The following PTPRQ variants were observed in gnomAD, a reference collection of about 807,000 sequenced individuals.
PTPRQ encodes the protein protein tyrosine phosphatase receptor type Q, also known as phosphatidylinositol phosphatase PTPRQ.
A neutral mutation model predicts 246.0 loss-of-function variants in PTPRQ; 199 were observed. That is an observed-to-expected ratio of 0.81 (90% CI 0.72 to 0.91). PTPRQ has a LOEUF of 0.91. Ranked by LOEUF, PTPRQ falls within the 40% of genes least tolerant of loss-of-function variation. PTPRQ has a pLI of 0.00. For missense variants in PTPRQ, 2,624 were observed against 2,528.4 expected, an observed-to-expected ratio of 1.04 and a Z score of -0.81; for synonymous variants, 869 against 853.2, an observed-to-expected ratio of 1.02 and a Z score of -0.32.
At chr12:80,454,111 T>G in intron 3 of PTPRQ, among the ~76,000 whole-genome samples, 1 of 123,298 alleles carries the variant, frequency 8.1e-6, no homozygotes, top group Non-Finnish European at 1.6e-5. Context: ...CACCTTGCAG[T>G]TTGATCTCAG....
rs775417036 is a variant in PTPRQ, at chr12:80,673,362, C to A, written c.6738+58C>A. On this transcript the variant is annotated intron_variant, in intron 43 of 44. Coordinates refer to ENST00000644991, the MANE Select transcript of PTPRQ (RefSeq NM_001145026.2). ...GTTCTAGAATTTCCACATGGGAGAT[C>A]TTAGTGGCAGCAATCTGGATGGACA... The A allele has an allele frequency of 1.3e-5, 20 of 1,513,864 alleles. No homozygotes were observed. In the Admixed American group the frequency reaches 2.2e-4, roughly 17 times the overall value. 93.8% of individuals were successfully genotyped at this position (1,513,864 alleles called of 1,614,324 possible). A position where few individuals can be genotyped will look rare whatever the true frequency, so the allele number is the denominator to read the frequency against.
intron 25 of PTPRQ, among the ~76,000 whole-genome samples, chr12:80,569,129 C>CTTTTTTTT (rs778431539): frequency 5.4e-4 from 53 of 97,438 alleles, no homozygotes; most frequent in East Asian, 8.8e-4. Flanking sequence ...GGATACAATT[C>CTTTTTTTT]TTTTTTTTTT....
chr12:80,496,311 G>C lies in PTPRQ; in HGVS notation c.2052G>C (p.Leu684Phe). ...VIDVTADEIR[L>F]KWSPPEKPNG... ...ATGTTACCGCAGATGAAATAAGGTTGAAGTGGTCACCACCCGAAAAGCCCA... is the reference window on the plus strand; with the variant it reads ...ATGTTACCGCAGATGAAATAAGGTTCAAGTGGTCACCACCCGAAAAGCCCA... The change falls in exon 14 of 45, where the codon TTG becomes TTC. Residue 684 changes from leucine (L) to phenylalanine (F), a missense_variant. Physicochemically the swap from Leu to Phe is conservative, Grantham distance 22 (BLOSUM62 0). Transcript: ENST00000644991. 6.4e-7 allele frequency: 1 copy of C among 1,550,764 alleles called. No individual in the cohort carries two copies. Among genetic ancestry groups the C allele is most frequent in the Non-Finnish European group, 8.7e-7 (1 of 1,146,466 alleles).
intron 25 of PTPRQ, among the ~76,000 whole-genome samples, chr12:80,568,357 A>G (rs556534462): frequency 6.6e-6 from 1 of 152,162 alleles, no homozygotes; most frequent in Non-Finnish European, 1.5e-5. Flanking sequence ...ATACACTTTC[A>G]AAGTTTAGAT....
In PTPRQ at chr12:80,541,694, T is replaced by A. The variant is rs1655692621; in HGVS notation, c.3294T>A (p.His1098Gln). The change falls in exon 21 of 45, where the codon CAT (histidine) becomes CAA (glutamine). Residue 1098 changes from histidine to glutamine, a missense_variant. Coordinates refer to ENST00000644991, the MANE Select transcript of PTPRQ (RefSeq NM_001145026.2). ...TGATCTTACAGCAGACTCCTCGCCA[T>A]GTGAGACCACCTCTTGTTACATATG... ...VSLILQQTPR[H>Q]VRPPLVTYER... 1 of 1,551,254 alleles carries A rather than the reference T, an allele frequency of 6.4e-7. No individual in the cohort carries two copies. The highest frequency in any genetic ancestry group is 1.4e-5 in the African/African-American group (1 of 73,034).
intron 6 of PTPRQ, among the ~76,000 whole-genome samples, 172 bp from the exon 7 acceptor site, chr12:80,468,538 T>G (rs1893516669): frequency 6.6e-6 from 1 of 152,222 alleles, no homozygotes; most frequent in Non-Finnish European, 1.5e-5. Flanking sequence ...GCATGTGTTA[T>G]TCACAATTTT....
rs576876628 is a variant in PTPRQ at position 80,506,534 on chromosome 12, G to A, written c.2456-35G>A. The A allele has an allele frequency of 1.1e-5, 15 of 1,421,520 alleles. No individual in the cohort carries two copies. The Middle Eastern group carries it at 5.3e-4, about 50-fold the overall frequency. 88.1% of individuals were successfully genotyped at this position (1,421,520 alleles called of 1,614,324 possible). On this transcript the variant is annotated intron_variant, in intron 15 of 44. Coordinates refer to ENST00000644991, the MANE Select transcript of PTPRQ (RefSeq NM_001145026.2). The stretch of plus-strand genomic sequence containing the variant: ...CTTGCATATTATTAAATGATATTTT[G>A]TAAGTTTCAACTTACCTATTTGATT...
At position 80,678,583 on chromosome 12, in the gene PTPRQ, C is replaced by T. The variant is rs1565855924; in HGVS notation, c.6739-19C>T. 6 of 1,532,818 alleles carry T rather than the reference C, an allele frequency of 3.9e-6. No homozygotes were observed. Among genetic ancestry groups the T allele is most frequent in the East Asian group, 2.5e-5 (1 of 40,484 alleles). The allele number at this position is 1,532,818 out of a possible 1,614,324, so 95.0% of individuals were successfully genotyped here. A position where few individuals can be genotyped will look rare whatever the true frequency, so the allele number is the denominator to read the frequency against. On this transcript the variant is annotated intron_variant, in intron 43 of 44. Coordinates refer to ENST00000644991, the MANE Select transcript of PTPRQ (RefSeq NM_001145026.2). ...CTTCATCAATATATTTGTTTAACCA[C>T]TCTGTCTTTGGTGTCTAGGCACAGT...
At chr12:80,523,096 G>A (rs1045194073) in intron 17 of PTPRQ, among the ~76,000 whole-genome samples, 2 of 152,144 alleles carry the variant, frequency 1.3e-5, no homozygotes, top group Admixed American at 6.6e-5. Context: ...TCTTGGGAGG[G>A]TGTATGTGTC....
chr12:80,513,742 C>T (rs1895195034), intron 17 of PTPRQ, among the ~76,000 whole-genome samples: 1 of 152,090 alleles, frequency 6.6e-6, no homozygotes, highest in Admixed American at 6.5e-5. Context: ...CTGGCACAAA[C>T]TTGCAGTCAC....
intron 25 of PTPRQ, among the ~76,000 whole-genome samples, chr12:80,572,578 C>A (rs556551326): frequency 1.3e-5 from 2 of 152,184 alleles, no homozygotes; most frequent in East Asian, 3.9e-4. Flanking sequence ...AGCCAATATC[C>A]TTGTGTTGTT....
At chr12:80,637,848 A>C (rs1251410573) in intron 35 of PTPRQ, among the ~76,000 whole-genome samples, 1 of 152,192 alleles carries the variant, frequency 6.6e-6, no homozygotes, top group African/African-American at 2.4e-5. Flanking sequence ...AGTCAATCAG[A>C]GACTGATGGT....
intron 16 of PTPRQ, among the ~76,000 whole-genome samples, chr12:80,508,744 T>C (rs1021573658): frequency 2.6e-5 from 4 of 152,238 alleles, no homozygotes; most frequent in East Asian, 1.9e-4. Context: ...CTACAGTGGA[T>C]GTACAGTGAT....
chr12:80,604,495 T>C (rs1310253994), intron 26 of PTPRQ, among the ~76,000 whole-genome samples: 1 of 151,596 alleles, frequency 6.6e-6, no homozygotes, highest in Non-Finnish European at 1.5e-5. Flanking sequence ...TCATAAGGAA[T>C]TCAAGAAATA....
chr12:80,494,738 A>G (rs1156584745), intron 10 of PTPRQ, among the ~76,000 whole-genome samples, 195 bp from the exon 11 acceptor site: 1 of 152,018 alleles, frequency 6.6e-6, no homozygotes, highest in Non-Finnish European at 1.5e-5. Flanking sequence ...ATTCATAGTA[A>G]TATTCAATAC....
intron 17 of PTPRQ, among the ~76,000 whole-genome samples, chr12:80,529,500 T>C (rs890767065): frequency 6.6e-6 from 1 of 152,188 alleles, no homozygotes; most frequent in East Asian, 1.9e-4. Flanking sequence ...TTTATACTTA[T>C]GGAAACAGAG....
Position 80,539,948 on chromosome 12 carries a change from T to A in PTPRQ, c.3154+4T>A, listed in dbSNP as rs1389975261. On this transcript the variant is annotated splice_donor_region_variant and intron_variant, in intron 20 of 44. Coordinates refer to ENST00000644991, the MANE Select transcript of PTPRQ (RefSeq NM_001145026.2). ...GAAGTATACACAGATCAAGACAGTATGTAAACAAAAAACACTAATCTTTAA... is the reference window on the plus strand; with the variant it reads ...GAAGTATACACAGATCAAGACAGTAAGTAAACAAAAAACACTAATCTTTAA... 6.8e-7 allele frequency: 1 copy of A among 1,477,110 alleles called. No individual in the cohort carries two copies. The highest frequency in any genetic ancestry group is 2.6e-5 in the Admixed American group (1 of 38,432). The allele number at this position is 1,477,110 out of a possible 1,614,324, so 91.5% of individuals were successfully genotyped here.
chr12:80,549,291 AC>A (rs1236883199), intron 24 of PTPRQ, among the ~76,000 whole-genome samples, 173 bp from the exon 25 acceptor site: 2 of 152,164 alleles, frequency 1.3e-5, no homozygotes, highest in African/African-American at 4.8e-5. Flanking sequence ...AAGCAAGTCA[AC>A]AGCCTTTTGA....
intron 3 of PTPRQ, among the ~76,000 whole-genome samples, chr12:80,451,991 G>A (rs965147432): frequency 1.9e-4 from 5 of 25,728 alleles, no homozygotes; most frequent in Non-Finnish European, 3.5e-4. Flanking sequence ...ATTATTGTAT[G>A]GGAGTCTAAG....
Sources: allele counts gnomAD v4.1 joint callset (sites outside exome capture counted in the v4.1 genomes callset), GRCh38; gene constraint gnomAD v4.1.1; transcripts MANE v1.5; gene names NCBI Gene and HGNC (gene_info 2026-07-23, HGNC 2026-07-21).